ARHGAP28: variants seen among roughly 807,000 people sequenced by gnomAD.
ARHGAP28 encodes rho GTPase-activating protein 28.
In ARHGAP28, 56 loss-of-function variants were observed where a neutral mutation model predicts 90.7. The ratio of observed to expected loss-of-function variants is 0.62; its 90% CI spans 0.50 to 0.77. ARHGAP28 has a LOEUF of 0.77. Among genes scored for constraint, ARHGAP28 ranks in the 30% least tolerant of loss-of-function variants. The pLI is 0.00. For missense variants in ARHGAP28, 869 were observed against 900.9 expected, an observed-to-expected ratio of 0.96 and a Z score of 0.45; for synonymous variants, 308 against 323.3, an observed-to-expected ratio of 0.95 and a Z score of 0.51.
At chr18:6,882,462 A>G in intron 11 of ARHGAP28, 163 bp downstream of exon 11, 1 of 567,928 alleles carries the variant, frequency 1.8e-6, no homozygotes, top group African/African-American at 1.9e-5. Flanking sequence ...CTACTTACAT[A>G]CTTATATACT....
At chr18:6,732,699 G>T (rs117086394) in intron 1 of ARHGAP28, among the ~76,000 whole-genome samples, 13 of 152,304 alleles carry the variant, frequency 8.5e-5, no homozygotes, top group Non-Finnish European at 1.3e-4. Flanking sequence ...TTCGTAAAGT[G>T]AGTAGCCAGT....
At chr18:6,786,887 A>G (rs2056369042) in intron 1 of ARHGAP28, among the ~76,000 whole-genome samples, 1 of 152,046 alleles carries the variant, frequency 6.6e-6, no homozygotes, top group Non-Finnish European at 1.5e-5. Flanking sequence ...CCTTTGGCCT[A>G]AAAATATTGA....
At position 6,813,541 on chromosome 18, in the gene ARHGAP28, C is replaced by T. The variant is rs188103677; in HGVS notation, c.123-11221C>T. On this transcript the variant is annotated intron_variant, in intron 1 of 17. Transcript: ENST00000383472. Reference sequence around the variant, plus strand: ...AACTTTTGGCTGGGGATATATTTCTCAGCATATTTTATAGTAAAAATATAC... The same window carrying T: ...AACTTTTGGCTGGGGATATATTTCTTAGCATATTTTATAGTAAAAATATAC... Among the ~76,000 whole-genome samples the T allele has an allele frequency of 3.6e-3, 543 of 152,196 alleles. 2 individuals are homozygous for T. The highest frequency in any genetic ancestry group is 5.6e-3 in the Non-Finnish European group (381 of 68,004).
At chr18:6,842,817 C>T (rs973694245) in intron 3 of ARHGAP28, among the ~76,000 whole-genome samples, 2 of 152,044 alleles carry the variant, frequency 1.3e-5, no homozygotes, top group Non-Finnish European at 2.9e-5. Flanking sequence ...GGGATTATGA[C>T]ACCTCTGAAT....
chr18:6,758,848 T>G (rs2143314085), intron 1 of ARHGAP28, among the ~76,000 whole-genome samples: 1 of 152,256 alleles, frequency 6.6e-6, no homozygotes, highest in Non-Finnish European at 1.5e-5. Context: ...CAAAGGCAAA[T>G]CAGGAAATAG....
chr18:6,737,023 T>C (rs887131934), intron 1 of ARHGAP28, among the ~76,000 whole-genome samples: 2 of 152,144 alleles, frequency 1.3e-5, no homozygotes, highest in African/African-American at 4.8e-5. Context: ...ACAATTTTGT[T>C]TCTGAGGTAA....
intron 10 of ARHGAP28, among the ~76,000 whole-genome samples, chr18:6,877,970 A>G (rs960699416): frequency 4.6e-5 from 7 of 150,906 alleles, no homozygotes; most frequent in South Asian, 2.1e-4. Context: ...GTGTGTGTGT[A>G]TGTGCATGTG....
chr18:6,754,190 T>C (rs951246610), intron 1 of ARHGAP28, among the ~76,000 whole-genome samples: 1 of 152,180 alleles, frequency 6.6e-6, no homozygotes, highest in African/African-American at 2.4e-5. Context: ...TTTAGTGATA[T>C]TTACTTCTTT....
At chr18:6,791,645 C>T (rs935219104) in intron 1 of ARHGAP28, 1 of 152,006 alleles carries the variant, frequency 6.6e-6, no homozygotes, top group Non-Finnish European at 1.5e-5. Flanking sequence ...CTTGTGGTGC[C>T]GCAGATGACT....
chr18:6,832,993 T>C (rs1447013266), intron 2 of ARHGAP28, among the ~76,000 whole-genome samples: 2 of 152,104 alleles, frequency 1.3e-5, no homozygotes, highest in Non-Finnish European at 2.9e-5. Flanking sequence ...TCATGCCCAG[T>C]GGTTTATACT....
At chr18:6,731,310 GT>G (rs1475651447) in intron 1 of ARHGAP28, among the ~76,000 whole-genome samples, 1 of 151,784 alleles carries the variant, frequency 6.6e-6, no homozygotes, top group African/African-American at 2.4e-5. Flanking sequence ...GTGTGTGTGT[GT>G]GTTTTGATGA....
intron 1 of ARHGAP28, among the ~76,000 whole-genome samples, chr18:6,784,424 T>G (rs1383658951): frequency 6.6e-6 from 1 of 152,176 alleles, no homozygotes; most frequent in Non-Finnish European, 1.5e-5. Context: ...CGCTTTCATT[T>G]CTGGGGAAAG....
At chr18:6,799,129 A>T (rs1257618968) in intron 1 of ARHGAP28, among the ~76,000 whole-genome samples, 1 of 152,206 alleles carries the variant, frequency 6.6e-6, no homozygotes, top group Non-Finnish European at 1.5e-5. Flanking sequence ...GGTTTATAAC[A>T]ATGCCTCATT....
intron 1 of ARHGAP28, among the ~76,000 whole-genome samples, chr18:6,823,196 C>T (rs72876505): frequency 0.013 from 1,952 of 152,204 alleles, 21 homozygotes; most frequent in Middle Eastern, 0.027. Flanking sequence ...CATACCAACA[C>T]GAACTCCTCA....
intron 1 of ARHGAP28, among the ~76,000 whole-genome samples, chr18:6,808,842 G>A (rs188082359): frequency 1.2e-4 from 19 of 152,312 alleles, no homozygotes; most frequent in Admixed American, 5.2e-4. Context: ...TTATAGCTCC[G>A]TGGTTCTTTG....
rs1857797385 is a variant in ARHGAP28, at chr18:6,914,629, A to G, written c.*2475A>G. The G allele has an allele frequency of 6.6e-6, 1 of 152,198 alleles. No homozygotes were observed. The allele number at this position is 152,198 out of a possible 1,614,324, so 9.4% of individuals were successfully genotyped here. On this transcript the variant is annotated 3_prime_UTR_variant, in exon 18 of 18. Coordinates refer to ENST00000383472, the MANE Select transcript of ARHGAP28 (RefSeq NM_001366230.1). ...TTTAAAAATTTAATAAATTCATAAA[A>G]AAGACTCATATCTTTGCAAACAAAA...
intron 7 of ARHGAP28, 100 bp from the exon 8 acceptor site, chr18:6,873,309 G>A (rs1198098758): frequency 3.5e-5 from 35 of 992,518 alleles, no homozygotes; most frequent in East Asian, 9.6e-5. Context: ...CAAAGAACAC[G>A]TTCTACTGCA....
intron 5 of ARHGAP28, among the ~76,000 whole-genome samples, chr18:6,860,328 A>T (rs1206011748): frequency 1.3e-5 from 2 of 152,132 alleles, no homozygotes; most frequent in African/African-American, 4.8e-5. Flanking sequence ...AGTTCTCAGG[A>T]CTCACTCATG....
intron 1 of ARHGAP28, among the ~76,000 whole-genome samples, chr18:6,783,573 TTACA>T (rs2056343775): frequency 6.6e-6 from 1 of 151,980 alleles, no homozygotes; most frequent in Non-Finnish European, 1.5e-5. Context: ...AGTGCTGGGA[TTACA>T]GGCGTGAGCC....
Sources: gnomAD v4.1 joint callset for allele counts (sites outside exome capture counted in the v4.1 genomes callset) on GRCh38, gnomAD v4.1.1 for gene constraint, MANE v1.5 for transcripts, NCBI Gene and HGNC (gene_info 2026-07-23, HGNC 2026-07-21) for gene names.